PIP5K1B: variants seen among roughly 807,000 people sequenced by gnomAD.
The protein encoded by PIP5K1B is phosphatidylinositol-4-phosphate 5-kinase type 1 beta.
PIP5K1B carries 42 observed loss-of-function variants against 67.0 expected under a neutral mutation model. That is an observed-to-expected ratio of 0.63 (90% CI 0.49 to 0.81). The LOEUF (loss-of-function observed/expected upper bound fraction) is 0.81. Ranked by LOEUF, PIP5K1B falls within the 30% of genes least tolerant of loss-of-function variation. PIP5K1B has a pLI of 0.00. For synonymous variants in PIP5K1B, 214 were observed against 231.4 expected, an observed-to-expected ratio of 0.92 and a Z score of 0.68; for missense variants, 459 against 646.3, an observed-to-expected ratio of 0.71 and a Z score of 3.14.
chr9:68,726,954 ACTCTTGTATT>A (rs1409879432), intron 1 of PIP5K1B, among the ~76,000 whole-genome samples: 1 of 150,112 alleles, frequency 6.7e-6, no homozygotes, highest in African/African-American at 2.4e-5. Context: ...AAGGTGCTAA[ACTCTTGTATT>A]GATTCTAGTA....
Position 68,991,400 on chromosome 9 carries a change from G to A in PIP5K1B, c.1620+143G>A. The A allele has an allele frequency of 5.0e-6, 3 of 595,604 alleles. No individual in the cohort carries two copies. In the South Asian group the frequency reaches 6.3e-5, roughly 12 times the overall value. 36.9% of individuals were successfully genotyped at this position (595,604 alleles called of 1,614,324 possible). A position where few individuals can be genotyped will look rare whatever the true frequency, so the allele number is the denominator to read the frequency against. ...TGGCGCCCTTTCACTTCTGCAAATG[G>A]TGCTTCTTTTCACAAGCAATGTTTT... is the stretch of plus-strand genomic sequence containing the variant. On this transcript the variant is annotated intron_variant, in intron 15 of 15. Transcript: ENST00000265382.
intron 2 of PIP5K1B, among the ~76,000 whole-genome samples, chr9:68,745,148 A>T (rs1205619277): frequency 6.6e-6 from 1 of 152,120 alleles, no homozygotes; most frequent in Non-Finnish European, 1.5e-5. Flanking sequence ...TGCCTTCCAC[A>T]TCGTAAGAGC....
At chr9:68,932,271 T>C (rs1001792187) in intron 12 of PIP5K1B, among the ~76,000 whole-genome samples, 3 of 152,188 alleles carry the variant, frequency 2.0e-5, no homozygotes, top group Non-Finnish European at 4.4e-5. Context: ...AGAACTATGA[T>C]GTAGAAAAGC....
At chr9:68,752,307 T>C (rs1389481488) in intron 2 of PIP5K1B, among the ~76,000 whole-genome samples, 1 of 152,130 alleles carries the variant, frequency 6.6e-6, no homozygotes, top group Non-Finnish European at 1.5e-5. Context: ...AACTAGACAG[T>C]GTTAGAGATC....
chr9:68,713,266 G>A (rs1200573641), intron 1 of PIP5K1B, among the ~76,000 whole-genome samples: 1 of 152,214 alleles, frequency 6.6e-6, no homozygotes, highest in African/African-American at 2.4e-5. Context: ...GGGCATGGTG[G>A]CAGGTGCCTG....
intron 6 of PIP5K1B, among the ~76,000 whole-genome samples, chr9:68,879,258 G>C (rs1824051676): frequency 6.6e-6 from 1 of 152,124 alleles, no homozygotes; most frequent in Non-Finnish European, 1.5e-5. Flanking sequence ...TGAGGAGTTG[G>C]TCAAAGCATA....
At chr9:69,000,359 A>G (rs922046028) in intron 15 of PIP5K1B, among the ~76,000 whole-genome samples, 1 of 152,124 alleles carries the variant, frequency 6.6e-6, no homozygotes, top group Non-Finnish European at 1.5e-5. Context: ...TAAGATAAAA[A>G]TATGTGGGGT....
At position 68,875,207 on chromosome 9, in the gene PIP5K1B, G is replaced by A. The variant is rs531172089; in HGVS notation, c.201-1470G>A. On this transcript the variant is annotated intron_variant, in intron 5 of 15. Transcript: ENST00000265382. ...CTAGTGTGTAGCCGGGCTGCTGCCT[G>A]AGTGTAATCCTAGCCTTTCAAGATA... Among the ~76,000 whole-genome samples, 6 of 143,490 alleles carry A rather than the reference G, an allele frequency of 4.2e-5. No homozygotes were observed. The East Asian group carries it at 1.3e-3, about 32-fold the overall frequency. The allele number at this position is 143,490 out of a possible 152,430, so 94.1% of individuals were successfully genotyped here.
intron 14 of PIP5K1B, among the ~76,000 whole-genome samples, chr9:68,941,656 A>G (rs1337889359): frequency 1.3e-5 from 2 of 152,246 alleles, no homozygotes; most frequent in Non-Finnish European, 2.9e-5. Flanking sequence ...GTTGAAACCT[A>G]GCTCTCAATA....
chr9:68,933,899 C>T (rs1827128712), intron 12 of PIP5K1B, among the ~76,000 whole-genome samples: 1 of 152,158 alleles, frequency 6.6e-6, no homozygotes, highest in Admixed American at 6.5e-5. Context: ...GGGAAGGCCC[C>T]AGATGAGCTG....
chr9:68,930,391 C>G (rs1232455259), intron 12 of PIP5K1B, among the ~76,000 whole-genome samples: 2 of 152,118 alleles, frequency 1.3e-5, no homozygotes, highest in Non-Finnish European at 2.9e-5. Flanking sequence ...GGGTCCACGT[C>G]TTATGGAAGA....
At chr9:68,707,250 C>T (rs1485785942) in intron 1 of PIP5K1B, among the ~76,000 whole-genome samples, 1 of 152,206 alleles carries the variant, frequency 6.6e-6, no homozygotes, top group Non-Finnish European at 1.5e-5. Context: ...GATAGAACCA[C>T]ATTACATTTT....
In PIP5K1B at chr9:68,895,628, GTT is replaced by G. The variant is rs11297770; in HGVS notation, c.771+1003_771+1004del. On this transcript the variant is annotated intron_variant, in intron 8 of 15. Transcript: ENST00000265382. ...TAAGGAACACAGGTCTACTGTTTCT[GTT>G]TTTTTTTTTTTTATTTCTTCCTTTC... 6.3e-3 allele frequency among the ~76,000 whole-genome samples: 916 copies of G among 145,590 alleles called. 10 individuals carry two copies. Among genetic ancestry groups the G allele is most frequent in the African/African-American group, 0.02 (788 of 39,942 alleles).
At chr9:68,957,684 C>A (rs1828473169) in intron 14 of PIP5K1B, among the ~76,000 whole-genome samples, 1 of 152,224 alleles carries the variant, frequency 6.6e-6, no homozygotes, top group South Asian at 2.1e-4. Flanking sequence ...TTAGATTGGT[C>A]ACCATGTCCC....
At chr9:68,770,495 T>C (rs1049057026) in intron 2 of PIP5K1B, among the ~76,000 whole-genome samples, 28 of 152,264 alleles carry the variant, frequency 1.8e-4, no homozygotes, top group Middle Eastern at 3.4e-3. Flanking sequence ...TCTGGAGAGA[T>C]TGTTGTGCAG....
chr9:68,940,369 A>G (rs1399801481), intron 13 of PIP5K1B, among the ~76,000 whole-genome samples: 1 of 152,240 alleles, frequency 6.6e-6, no homozygotes. Context: ...TTTTTGAAAT[A>G]GTAAATCACT....
At chr9:68,936,036 C>G (rs866542953) in intron 13 of PIP5K1B, 2 of 152,042 alleles carry the variant, frequency 1.3e-5, no homozygotes, top group Non-Finnish European at 2.9e-5. Flanking sequence ...TGTACATATA[C>G]CTTTTGTTAG....
At position 68,814,684 on chromosome 9, in the gene PIP5K1B, G is replaced by A. The variant is rs539302682; in HGVS notation, c.-85-3777G>A. 1.6e-4 allele frequency among the ~76,000 whole-genome samples: 24 copies of A among 152,134 alleles called. No individual in the cohort carries two copies. In the East Asian group the frequency reaches 4.5e-3, roughly 28 times the overall value. On this transcript the variant is annotated intron_variant, in intron 2 of 15. Transcript: ENST00000265382. ...AAATTTAAAAAATTAGCCAGGTGTG[G>A]TGGCGTGCACCGGTAATCCCAGCTA...
intron 8 of PIP5K1B, among the ~76,000 whole-genome samples, chr9:68,897,831 T>C (rs1825165164): frequency 6.6e-6 from 1 of 152,140 alleles, no homozygotes; most frequent in Non-Finnish European, 1.5e-5. Context: ...ATATTTTGGC[T>C]TGACATCTCA....
Sources: allele counts gnomAD v4.1 joint callset (sites outside exome capture counted in the v4.1 genomes callset), GRCh38; gene constraint gnomAD v4.1.1; transcripts MANE v1.5; gene names NCBI Gene and HGNC (gene_info 2026-07-23, HGNC 2026-07-21).